The following MSN variants were observed in gnomAD, a reference collection of about 807,000 sequenced individuals.
The protein encoded by MSN is moesin.
A neutral mutation model predicts 48.0 loss-of-function variants in MSN; 2 were observed. The ratio of observed to expected loss-of-function variants is 0.04; its 90% CI spans 0.02 to 0.13. The LOEUF is 0.13. Among genes scored for constraint, MSN ranks in the 10% least tolerant of loss-of-function variants. The probability of loss-of-function intolerance (pLI) is 1.00; values close to 1 mark genes in which losing one functional copy is unlikely to be tolerated. For synonymous variants in MSN, 146 were observed against 166.9 expected, an observed-to-expected ratio of 0.87 and a Z score of 0.97; for missense variants, 267 against 470.1, an observed-to-expected ratio of 0.57 and a Z score of 3.99.
chrX:65,716,066 C>T (rs1403275786), intron 1 of MSN, among the ~76,000 whole-genome samples: 2 of 111,555 alleles, frequency 1.8e-5, no homozygotes, highest in Non-Finnish European at 3.8e-5. Context: ...GCTTTTTCTG[C>T]CCTTTAGATT....
intron 2 of MSN, among the ~76,000 whole-genome samples, chrX:65,720,264 C>G (rs913686324): frequency 8.9e-6 from 1 of 112,118 alleles, no homozygotes; most frequent in Non-Finnish European, 1.9e-5. Context: ...CAACTCTGAT[C>G]ACAAAACTAT....
At chrX:65,605,974 G>T (rs749586914) in intron 1 of MSN, among the ~76,000 whole-genome samples, 122 of 110,926 alleles carry the variant, frequency 1.1e-3, no homozygotes, top group Non-Finnish European at 2.0e-3. Context: ...ACAGGGTCTT[G>T]CTGTGTCCCC....
Position 65,689,701 on chromosome X carries a change from G to A in MSN, c.12+21848G>A, listed in dbSNP as rs779287957. On this transcript the variant is annotated intron_variant, in intron 1 of 12. Coordinates refer to ENST00000360270, the MANE Select transcript of MSN (RefSeq NM_002444.3). ...TCACCATTCCCTCTGTGAAGGGTGG[G>A]AGATTCTTAAAATTGGGCCATAGAG... Among the ~76,000 whole-genome samples the A allele has an allele frequency of 2.7e-5, 3 of 111,345 alleles. No homozygotes were observed. In the South Asian group the frequency reaches 1.1e-3, roughly 42 times the overall value.
At chrX:65,661,018 C>T (rs1299688210) in intron 1 of MSN, among the ~76,000 whole-genome samples, 1 of 111,289 alleles carries the variant, frequency 9.0e-6, no homozygotes, top group Non-Finnish European at 1.9e-5. Context: ...GGCTGGAGTG[C>T]AGTGGTGTGA....
chrX:65,656,563 AC>A (rs1241216136), intron 1 of MSN, among the ~76,000 whole-genome samples: 1 of 111,440 alleles, frequency 9.0e-6, no homozygotes, highest in Non-Finnish European at 1.9e-5. Flanking sequence ...TCTGCATGGA[AC>A]AAAAACTGTG....
At chrX:65,704,667 G>GT (rs11411773) in intron 1 of MSN, among the ~76,000 whole-genome samples, 18,166 of 104,957 alleles carry the variant, frequency 0.17, 4,079 homozygotes, top group African/African-American at 0.6. Context: ...CCTCCACATA[G>GT]TTTTTTTTTT....
At chrX:65,590,341 C>T (rs2070136522) in intron 1 of MSN, among the ~76,000 whole-genome samples, 1 of 111,298 alleles carries the variant, frequency 9.0e-6, no homozygotes, top group Admixed American at 9.5e-5. Context: ...GTGAGAATGC[C>T]TGCATGTGTG....
intron 1 of MSN, among the ~76,000 whole-genome samples, chrX:65,686,532 A>G (rs183375542): frequency 1.8e-5 from 2 of 112,932 alleles, no homozygotes; most frequent in African/African-American, 6.4e-5. Flanking sequence ...TCAGGTTCCA[A>G]AAGGAAAAGG....
At chrX:65,645,138 C>T (rs2070685653) in intron 1 of MSN, among the ~76,000 whole-genome samples, 2 of 111,635 alleles carry the variant, frequency 1.8e-5, no homozygotes, top group African/African-American at 6.5e-5. Context: ...TAGGCTGAGC[C>T]ATGTAGACTC....
chrX:65,679,613 T>A (rs1159196327), intron 1 of MSN, among the ~76,000 whole-genome samples: 1 of 112,473 alleles, frequency 8.9e-6, no homozygotes, highest in East Asian at 2.8e-4. Flanking sequence ...CCTACAAGGC[T>A]GATAGGGAAT....
At chrX:65,732,302 G>T (rs1387039081) in intron 6 of MSN, among the ~76,000 whole-genome samples, 4 of 112,071 alleles carry the variant, frequency 3.6e-5, no homozygotes, top group African/African-American at 6.5e-5. Flanking sequence ...AAAACAGAAC[G>T]TAAAATGTCT....
chrX:65,700,881 G>T (rs1419086881), intron 1 of MSN, among the ~76,000 whole-genome samples: 2 of 111,693 alleles, frequency 1.8e-5, no homozygotes, highest in Admixed American at 1.9e-4. Flanking sequence ...TTACCAATAT[G>T]CAGTCCTTGA....
chrX:65,670,549 C>A (rs952361720), intron 1 of MSN, among the ~76,000 whole-genome samples: 2 of 108,877 alleles, frequency 1.8e-5, no homozygotes, highest in African/African-American at 6.7e-5. Flanking sequence ...ATGGTGAAAC[C>A]CTGTCTCTAC....
intron 1 of MSN, among the ~76,000 whole-genome samples, chrX:65,659,771 A>C (rs760266947): frequency 9.0e-6 from 1 of 111,525 alleles, no homozygotes; most frequent in Non-Finnish European, 1.9e-5. Context: ...CTTGTCTAAA[A>C]ACCCAAATCT....
chrX:65,589,424 C>T (rs760844565), intron 1 of MSN, among the ~76,000 whole-genome samples: 1 of 111,949 alleles, frequency 8.9e-6, no homozygotes, highest in Admixed American at 9.4e-5. Flanking sequence ...TCGCTGGGCC[C>T]AGGAGAGACT....
intron 1 of MSN, among the ~76,000 whole-genome samples, chrX:65,623,457 C>G (rs1170225609): frequency 9.3e-6 from 1 of 107,587 alleles, no homozygotes; most frequent in Non-Finnish European, 1.9e-5. Context: ...AAAGTATTCC[C>G]CCTTCTTCTA....
At chrX:65,669,945 C>T (rs1231181149) in intron 1 of MSN, among the ~76,000 whole-genome samples, 3 of 111,907 alleles carry the variant, frequency 2.7e-5, no homozygotes, top group Admixed American at 9.5e-5. Flanking sequence ...TTCTGATGCT[C>T]ATCTCATTGA....
At chrX:65,593,445 C>T (rs189641094) in intron 1 of MSN, 26 of 112,527 alleles carry the variant, frequency 2.3e-4, no homozygotes, top group African/African-American at 8.1e-4. Flanking sequence ...GTCTCCGTCC[C>T]AGGGTCTGTT....
chrX:65,696,155 G>A (rs1337482297), intron 1 of MSN, among the ~76,000 whole-genome samples: 1 of 109,287 alleles, frequency 9.2e-6, no homozygotes, highest in Non-Finnish European at 1.9e-5. Context: ...GTATAGAATG[G>A]TAATTTCTCA....
Sources: gnomAD v4.1 joint callset for allele counts (sites outside exome capture counted in the v4.1 genomes callset) on GRCh38, gnomAD v4.1.1 for gene constraint, MANE v1.5 for transcripts, NCBI Gene and HGNC (gene_info 2026-07-23, HGNC 2026-07-21) for gene names.